CCL8: variants seen among roughly 807,000 people sequenced by gnomAD.
The protein encoded by CCL8 is C-C motif chemokine 8.
Under a neutral mutation model 6.6 loss-of-function variants are expected in CCL8, and 3 were observed. The observed-to-expected ratio is 0.45, with a 90% confidence interval of 0.21 to 1.17. The LOEUF is 1.17. Among genes scored for constraint, CCL8 ranks in the 50% most tolerant of loss-of-function variants. The probability of loss-of-function intolerance (pLI) is 0.24; values close to 1 mark genes in which losing one functional copy is unlikely to be tolerated. For synonymous variants in CCL8, 49 were observed against 41.8 expected, an observed-to-expected ratio of 1.17 and a Z score of -0.67; for missense variants, 127 against 118.1, an observed-to-expected ratio of 1.08 and a Z score of -0.35.
chr17:34,320,454 A>C, intron 2 of CCL8, 68 bp downstream of exon 2: 2 of 998,220 alleles, frequency 2.0e-6, no homozygotes, highest in Non-Finnish European at 3.2e-6. Context: ...GTCAAGATTC[A>C]TGTCCATATG....
In CCL8 at chr17:34,320,924, T is replaced by C; in HGVS notation, c.*17T>C. The C allele has an allele frequency of 1.3e-6, 2 of 1,516,788 alleles. No individual in the cohort carries two copies. Among genetic ancestry groups the C allele is most frequent in the African/African-American group, 1.4e-5 (1 of 72,134 alleles). The allele number at this position is 1,516,788 out of a possible 1,614,324, so 94.0% of individuals were successfully genotyped here. A position where few individuals can be genotyped will look rare whatever the true frequency, so the allele number is the denominator to read the frequency against. Reference sequence around the variant, plus strand: ...AAGCCATGAGCCTTCATACATGGACTGAGAGTCAGAGCTTGAAGAAAAGCT... The same window carrying C: ...AAGCCATGAGCCTTCATACATGGACCGAGAGTCAGAGCTTGAAGAAAAGCT... On this transcript the variant is annotated 3_prime_UTR_variant, in exon 3 of 3. Transcript: ENST00000394620.
In CCL8 at chr17:34,320,989, T is replaced by G. The variant is rs141618984; in HGVS notation, c.*82T>G. On this transcript the variant is annotated 3_prime_UTR_variant, in exon 3 of 3. Coordinates refer to ENST00000394620, the MANE Select transcript of CCL8 (RefSeq NM_005623.3). ...AACCTCCCCCAGGTGCAGTGTGACA[T>G]TATTTTATTATAACATCCACAAAGA... 2.5e-4 allele frequency: 179 copies of G among 716,700 alleles called. No individual in the cohort carries two copies. In the African/African-American group the frequency reaches 3.1e-3, roughly 12 times the overall value. The allele number at this position is 716,700 out of a possible 1,614,324, so 44.4% of individuals were successfully genotyped here.
chr17:34,320,295 T>C lies in CCL8; in HGVS notation c.103T>C (p.Cys35Arg). Residue 35 changes from cysteine to arginine, a missense_variant, in exon 2 of 3, where the codon TGC (cysteine) becomes CGC (arginine). Transcript: ENST00000394620. Reference sequence around the variant, plus strand: ...TTCAGTTTCCATTCCAATCACCTGCTGCTTTAACGTGATCAATAGGAAAAT... The same window carrying C: ...TTCAGTTTCCATTCCAATCACCTGCCGCTTTAACGTGATCAATAGGAAAAT... ...PDSVSIPITCCFNVINRKIPI... is the reference protein window; with the variant it reads ...PDSVSIPITCRFNVINRKIPI... 1 of 1,613,480 alleles carries C rather than the reference T, an allele frequency of 6.2e-7. No homozygotes were observed. The highest frequency in any genetic ancestry group is 8.5e-7 in the Non-Finnish European group (1 of 1,179,484).
rs569040565 is a variant in CCL8 at position 34,319,525 on chromosome 17, G to C, written c.24G>C (p.Leu8=). The change falls in exon 1 of 3, where the codon CTG becomes CTC. Residue 8 remains leucine (L), a synonymous_variant. Coordinates refer to ENST00000394620, the MANE Select transcript of CCL8 (RefSeq NM_005623.3). ...AGATGAAGGTTTCTGCAGCGCTTCT[G>C]TGCCTGCTGCTCATGGCAGCCACTT... MKVSAAL[L]CLLLMAATFS... is the part of the protein sequence containing the mutation. 6.2e-7 allele frequency: 1 copy of C among 1,613,906 alleles called. No individual in the cohort carries two copies. The highest frequency in any genetic ancestry group is 1.1e-5 in the South Asian group (1 of 91,080).
At chr17:34,320,218 C>A in intron 1 of CCL8, 51 bp from the exon 2 acceptor site, 2 of 1,085,296 alleles carry the variant, frequency 1.8e-6, no homozygotes, top group Non-Finnish European at 1.4e-6. Context: ...CTTACAAATG[C>A]ACACTTACGG....
At chr17:34,320,433 A>T in intron 2 of CCL8, 47 bp downstream of exon 2, 1 of 1,196,016 alleles carries the variant, frequency 8.4e-7, no homozygotes, top group Non-Finnish European at 1.3e-6. Context: ...TCTGATGGAC[A>T]ACATAGAGAA....
At chr17:34,320,708 A>C (rs572766504) in intron 2 of CCL8, 94 bp from the exon 3 acceptor site, 11 of 781,182 alleles carry the variant, frequency 1.4e-5, no homozygotes, top group Middle Eastern at 5.6e-4. Flanking sequence ...TCACCTAAGG[A>C]CCAAGGGCTG....
Position 34,320,849 on chromosome 17 carries a change from G to A in CCL8, c.242G>A (p.Arg81Lys), listed in dbSNP as rs1446763956. The change falls in exon 3 of 3, where the codon AGA becomes AAA. Residue 81 changes from arginine (R) to lysine (K), a missense_variant. Coordinates refer to ENST00000394620, the MANE Select transcript of CCL8 (RefSeq NM_005623.3). Reference protein sequence around the residue: ...GKEVCADPKERWVRDSMKHLD... With the variant: ...GKEVCADPKEKWVRDSMKHLD... Reference sequence around the variant, plus strand: ...GAGGTCTGTGCTGACCCCAAGGAGAGATGGGTCAGGGATTCCATGAAGCAT... The same window carrying A: ...GAGGTCTGTGCTGACCCCAAGGAGAAATGGGTCAGGGATTCCATGAAGCAT... 5.0e-6 allele frequency: 8 copies of A among 1,611,952 alleles called. No individual in the cohort carries two copies. The highest frequency in any genetic ancestry group is 6.8e-6 in the Non-Finnish European group (8 of 1,179,086).
chr17:34,320,827 G>A lies in CCL8; in HGVS notation c.220G>A (p.Val74Ile), dbSNP rs372656531. 3 of 1,608,220 alleles carry A rather than the reference G, an allele frequency of 1.9e-6. No homozygotes were observed. The highest frequency in any genetic ancestry group is 2.5e-6 in the Non-Finnish European group (3 of 1,178,178). The change falls in exon 3 of 3, where the codon GTC becomes ATC. Residue 74 changes from valine (V) to isoleucine (I), a missense_variant. By Grantham distance (29) the Val-to-Ile change is conservative. Transcript: ENST00000394620. ...VIFKTKRGKEVCADPKERWVR... is the reference protein window; with the variant it reads ...VIFKTKRGKEICADPKERWVR... ...CTTCAAGACCAAACGGGGCAAGGAG[G>A]TCTGTGCTGACCCCAAGGAGAGATG...
At chr17:34,320,738 G>A (rs1909495368) in intron 2 of CCL8, 64 bp from the exon 3 acceptor site, 10 of 1,041,366 alleles carry the variant, frequency 9.6e-6, no homozygotes, top group African/African-American at 1.6e-5. Flanking sequence ...AGGGACCAAT[G>A]GCCCACAGTC....
intron 1 of CCL8, 104 bp downstream of exon 1, chr17:34,319,681 T>G: frequency 1.2e-6 from 1 of 854,420 alleles, no homozygotes; most frequent in South Asian, 1.6e-5. Context: ...CTCAGGTCAC[T>G]GAGGCTGGTT....
rs774096021 is a variant in CCL8 at position 34,320,799 on chromosome 17, C to A, written c.195-3C>A. On this transcript the variant is annotated splice_region_variant and splice_polypyrimidine_tract_variant and intron_variant, in intron 2 of 2. Transcript: ENST00000394620. Reference sequence around the variant, plus strand: ...ATCTAATTGTGCCCTCTCTCCCCCACAGCTTCAAGACCAAACGGGGCAAGG... The same window carrying A: ...ATCTAATTGTGCCCTCTCTCCCCCAAAGCTTCAAGACCAAACGGGGCAAGG... The A allele has an allele frequency of 6.3e-7, 1 of 1,590,510 alleles. No homozygotes were observed. Among genetic ancestry groups the A allele is most frequent in the South Asian group, 1.1e-5 (1 of 88,402 alleles).
Position 34,320,970 on chromosome 17 carries a change from C to A in CCL8, c.*63C>A. On this transcript the variant is annotated 3_prime_UTR_variant, in exon 3 of 3. Coordinates refer to ENST00000394620, the MANE Select transcript of CCL8 (RefSeq NM_005623.3). ...AAGCTTATTTATTTTCCCCAACCTC[C>A]CCCAGGTGCAGTGTGACATTATTTT... 1 of 937,678 alleles carries A rather than the reference C, an allele frequency of 1.1e-6. No homozygotes were observed. The highest frequency in any genetic ancestry group is 1.7e-6 in the Non-Finnish European group (1 of 600,120). The allele number at this position is 937,678 out of a possible 1,614,324, so 58.1% of individuals were successfully genotyped here.
In CCL8 at chr17:34,320,801, G is replaced by C. The variant is rs148548846; in HGVS notation, c.195-1G>C. On this transcript the variant is annotated splice_acceptor_variant, in intron 2 of 2. Coordinates refer to ENST00000394620, the MANE Select transcript of CCL8 (RefSeq NM_005623.3). LOFTEE classifies it high-confidence loss of function. ...CTAATTGTGCCCTCTCTCCCCCACA[G>C]CTTCAAGACCAAACGGGGCAAGGAG... The C allele has an allele frequency of 1.3e-6, 2 of 1,595,222 alleles. No homozygotes were observed. The highest frequency in any genetic ancestry group is 2.7e-5 in the African/African-American group (2 of 74,126).
chr17:34,320,154 A>G, intron 1 of CCL8, 115 bp from the exon 2 acceptor site: 1 of 685,766 alleles, frequency 1.5e-6, no homozygotes. Context: ...CTGGACTAAG[A>G]CACTGAACTT....
At chr17:34,319,804 G>A (rs1445220699) in intron 1 of CCL8, among the ~76,000 whole-genome samples, 1 of 152,124 alleles carries the variant, frequency 6.6e-6, no homozygotes, top group Admixed American at 6.5e-5. Context: ...TCTCACTGTG[G>A]GTGTAAAGGA....
At chr17:34,319,779 G>A (rs1257227862) in intron 1 of CCL8, among the ~76,000 whole-genome samples, 1 of 152,198 alleles carries the variant, frequency 6.6e-6, no homozygotes, top group Non-Finnish European at 1.5e-5. Context: ...AAATAATCCA[G>A]AACGAAGAAC....
At chr17:34,319,635 G>A (rs1909461769) in intron 1 of CCL8, 58 bp downstream of exon 1, 2 of 1,309,926 alleles carry the variant, frequency 1.5e-6, no homozygotes, top group Admixed American at 3.5e-5. Context: ...GAGCCATTAT[G>A]TCACAGCTCA....
rs201294858 is a variant in CCL8 at position 34,321,013 on chromosome 17, G to A, written c.*106G>A. 3.1e-6 allele frequency: 2 copies of A among 637,254 alleles called. No individual in the cohort carries two copies. The highest frequency in any genetic ancestry group is 2.0e-5 in the South Asian group (1 of 49,026). 39.5% of individuals were successfully genotyped at this position (637,254 alleles called of 1,614,324 possible). ...ATTATTTTATTATAACATCCACAAA[G>A]AGATTATTTTTAAATAATTTAAAGC... On this transcript the variant is annotated 3_prime_UTR_variant, in exon 3 of 3. Coordinates refer to ENST00000394620, the MANE Select transcript of CCL8 (RefSeq NM_005623.3).
Sources: gnomAD v4.1 joint callset for allele counts (sites outside exome capture counted in the v4.1 genomes callset) on GRCh38, gnomAD v4.1.1 for gene constraint, MANE v1.5 for transcripts, NCBI Gene and HGNC (gene_info 2026-07-23, HGNC 2026-07-21) for gene names.